HOOK3: variants seen among roughly 807,000 people sequenced by gnomAD.
HOOK3 encodes the protein hook microtubule tethering protein 3.
In HOOK3, 24 loss-of-function variants were observed where a neutral mutation model predicts 116.3. That is an observed-to-expected ratio of 0.21 (90% CI 0.15 to 0.29). The LOEUF (loss-of-function observed/expected upper bound fraction) is 0.29. Ranked by LOEUF, HOOK3 falls within the 10% of genes least tolerant of loss-of-function variation. The pLI is 1.00. For synonymous variants in HOOK3, 275 were observed against 283.0 expected (o/e 0.97, Z 0.28); for missense variants, 632 against 830.2 (o/e 0.76, Z 2.93).
rs555042033 is a variant in HOOK3 at position 43,018,798 on chromosome 8, A to G, written c.*300A>G. 3 of 278,272 alleles carry G rather than the reference A, an allele frequency of 1.1e-5. No individual in the cohort carries two copies. The highest frequency in any genetic ancestry group is 1.5e-4 in the South Asian group (1 of 6,856). The allele number at this position is 278,272 out of a possible 1,614,324, so 17.2% of individuals were successfully genotyped here. ...TGAAAATGTCCTCTTCTTCAAAGGT[A>G]TAGGCTTTGTAATGAATTAGATTTT... On this transcript the variant is annotated 3_prime_UTR_variant, in exon 22 of 22. Coordinates refer to ENST00000307602, the MANE Select transcript of HOOK3 (RefSeq NM_032410.4).
chr8:42,986,845 C>T (rs1809057845), intron 15 of HOOK3, 50 bp downstream of exon 15: 16 of 1,581,082 alleles, frequency 1.0e-5, no homozygotes, highest in Non-Finnish European at 1.4e-5. Flanking sequence ...CCCTATTTGC[C>T]TTGATTCTGA....
chr8:42,957,763 A>G (rs1404040738), intron 7 of HOOK3, among the ~76,000 whole-genome samples: 1 of 151,994 alleles, frequency 6.6e-6, no homozygotes, highest in Non-Finnish European at 1.5e-5. Context: ...TTTTAAAGGA[A>G]TCCCGCAATG....
chr8:42,930,557 A>G (rs1422583167), intron 4 of HOOK3, among the ~76,000 whole-genome samples: 1 of 152,238 alleles, frequency 6.6e-6, no homozygotes. Context: ...AGTCTGCATC[A>G]GAACAGTCAG....
intron 16 of HOOK3, among the ~76,000 whole-genome samples, chr8:42,999,511 T>C (rs1034325791): frequency 6.6e-6 from 1 of 152,258 alleles, no homozygotes; most frequent in Non-Finnish European, 1.5e-5. Context: ...GTTTTTGTCT[T>C]ACCTTTCTCT....
At chr8:42,996,385 CAAA>C (rs529268164) in intron 15 of HOOK3, among the ~76,000 whole-genome samples, 2 of 55,972 alleles carry the variant, frequency 3.6e-5, no homozygotes, top group Admixed American at 2.1e-4. Context: ...GACTCCGTCT[CAAA>C]AAAAAAAAAA....
intron 16 of HOOK3, chr8:43,000,262 C>G: frequency 7.8e-7 from 1 of 1,286,518 alleles, no homozygotes; most frequent in Non-Finnish European, 1.0e-6. Context: ...GGCATGGTTT[C>G]TGCTCAAGGC....
intron 1 of HOOK3, 24 bp from the exon 2 acceptor site, chr8:42,906,149 C>T (rs757422029): frequency 2.9e-6 from 3 of 1,046,790 alleles, no homozygotes; most frequent in East Asian, 3.0e-5. Context: ...AATCTCTCCC[C>T]CCCCCCTCTT....
rs560395691 is a variant in HOOK3 at position 43,020,281 on chromosome 8, A to C, written c.*1783A>C. The C allele has an allele frequency of 6.0e-5, 12 of 200,656 alleles. No individual in the cohort carries two copies. The East Asian group carries it at 9.3e-4, about 15-fold the overall frequency. 12.4% of individuals were successfully genotyped at this position (200,656 alleles called of 1,614,324 possible). Reference sequence around the variant, plus strand: ...TTAGGGATAAATGGAGATAGCCATGAGTAGAACTGCTGTAGGGCTTCAGGA... The same window carrying C: ...TTAGGGATAAATGGAGATAGCCATGCGTAGAACTGCTGTAGGGCTTCAGGA... On this transcript the variant is annotated 3_prime_UTR_variant, in exon 22 of 22. Transcript: ENST00000307602.
intron 15 of HOOK3, among the ~76,000 whole-genome samples, chr8:42,996,894 CTTTTTTTTTTTTTT>C (rs60094537): frequency 2.6e-5 from 2 of 77,870 alleles, no homozygotes; most frequent in Admixed American, 1.4e-4. Context: ...GGGCAGGGAT[CTTTTTTTTTTTTTT>C]TTTTTTTTTT....
chr8:43,028,512 T>G lies in HOOK3; in HGVS notation c.*10014T>G, dbSNP rs1287194121. 1 of 189,944 alleles carries G rather than the reference T, an allele frequency of 5.3e-6. No individual in the cohort carries two copies. The highest frequency in any genetic ancestry group is 1.1e-5 in the Non-Finnish European group (1 of 90,566). 11.8% of individuals were successfully genotyped at this position (189,944 alleles called of 1,614,324 possible). A position where few individuals can be genotyped will look rare whatever the true frequency, so the allele number is the denominator to read the frequency against. On this transcript the variant is annotated 3_prime_UTR_variant, in exon 22 of 22. Transcript: ENST00000307602. ...AACATTGCCAACAGTTTTTTTTGTTTCTGTCCCTTAAACATTTCCCCTGAA... is the reference window on the plus strand; with the variant it reads ...AACATTGCCAACAGTTTTTTTTGTTGCTGTCCCTTAAACATTTCCCCTGAA...
intron 5 of HOOK3, among the ~76,000 whole-genome samples, chr8:42,946,621 G>A (rs1808232226): frequency 6.6e-6 from 1 of 151,690 alleles, no homozygotes; most frequent in African/African-American, 2.4e-5. Flanking sequence ...CTTTTTTGGT[G>A]TTCCATGGTA....
chr8:42,928,929 C>A (rs1807821196), intron 3 of HOOK3, among the ~76,000 whole-genome samples: 1 of 152,108 alleles, frequency 6.6e-6, no homozygotes, highest in South Asian at 2.1e-4. Flanking sequence ...GTAATCCCAG[C>A]TACTCAGAAA....
intron 13 of HOOK3, among the ~76,000 whole-genome samples, chr8:42,978,809 A>G (rs1808877667): frequency 6.6e-6 from 1 of 152,110 alleles, no homozygotes; most frequent in Admixed American, 6.5e-5. Flanking sequence ...ATGGCCTCCC[A>G]AAGTGCTGGG....
intron 13 of HOOK3, among the ~76,000 whole-genome samples, chr8:42,981,942 G>A (rs180760852): frequency 2.4e-4 from 35 of 147,278 alleles, no homozygotes. Context: ...AGAGAAATAT[G>A]TATGTTACAT....
At chr8:42,910,020 C>A (rs1013110198) in intron 2 of HOOK3, among the ~76,000 whole-genome samples, 1 of 152,158 alleles carries the variant, frequency 6.6e-6, no homozygotes, top group African/African-American at 2.4e-5. Flanking sequence ...TATTGCAAAG[C>A]ATGGTGACCA....
intron 13 of HOOK3, among the ~76,000 whole-genome samples, chr8:42,975,603 T>C (rs1808807120): frequency 6.6e-6 from 1 of 152,202 alleles, no homozygotes. Flanking sequence ...ATGAAAAAAG[T>C]GGACGTGACT....
intron 2 of HOOK3, among the ~76,000 whole-genome samples, chr8:42,922,609 A>G (rs1276889207): frequency 6.6e-6 from 1 of 152,044 alleles, no homozygotes; most frequent in Non-Finnish European, 1.5e-5. Flanking sequence ...AAGAAAGTGG[A>G]AAAACATGGC....
At chr8:43,003,405 C>CTGCA (rs1446286700) in intron 17 of HOOK3, among the ~76,000 whole-genome samples, 4 of 152,140 alleles carry the variant, frequency 2.6e-5, no homozygotes, top group Non-Finnish European at 4.4e-5. Flanking sequence ...GTGAGATTAC[C>CTGCA]TGCAATGAGA....
chr8:42,914,269 A>G (rs1199854282), intron 2 of HOOK3, among the ~76,000 whole-genome samples: 1 of 151,700 alleles, frequency 6.6e-6, no homozygotes, highest in Non-Finnish European at 1.5e-5. Flanking sequence ...TCTTGTCTAA[A>G]CTCTTAGTGA....
Sources: allele counts gnomAD v4.1 joint callset (sites outside exome capture counted in the v4.1 genomes callset), GRCh38; gene constraint gnomAD v4.1.1; transcripts MANE v1.5; gene names NCBI Gene and HGNC (gene_info 2026-07-23, HGNC 2026-07-21).